Variants in MAF observed in about 807,000 individuals in gnomAD.
MAF encodes the protein MAF bZIP transcription factor.
Under a neutral mutation model 22.0 loss-of-function variants are expected in MAF, and 10 were observed. That is an observed-to-expected ratio of 0.45 (90% CI 0.28 to 0.77). The LOEUF is 0.77. MAF is among the 30% of genes least tolerant of loss of function. The pLI is 0.12. For synonymous variants in MAF, 337 were observed against 255.8 expected (o/e 1.32, Z -3.03); for missense variants, 544 against 548.4 (o/e 0.99, Z 0.08).
the MAF span, among the ~76,000 whole-genome samples, chr16:79,372,066 ATTTTTTT>A: frequency 4.5e-5 from 6 of 132,442 alleles, no homozygotes; most frequent in African/African-American, 1.7e-4. Flanking sequence ...AGGGAGAGGA[ATTTTTTT>A]TTTTTTTTTT....
chr16:79,561,290 C>G, the MAF span, among the ~76,000 whole-genome samples: 1 of 151,460 alleles, frequency 6.6e-6, no homozygotes, highest in Non-Finnish European at 1.5e-5. Flanking sequence ...AAATTTCCCT[C>G]TCTTCCTAGT....
the MAF span, among the ~76,000 whole-genome samples, chr16:79,539,885 G>C: frequency 6.6e-6 from 1 of 152,130 alleles, no homozygotes; most frequent in African/African-American, 2.4e-5. Flanking sequence ...GGTAAAAATG[G>C]TGATTTTTTT....
At chr16:79,542,890 T>G in the MAF span, among the ~76,000 whole-genome samples, 1 of 152,162 alleles carries the variant, frequency 6.6e-6, no homozygotes, top group Non-Finnish European at 1.5e-5. Context: ...TCTGGGTGGT[T>G]TTTATATCAT....
chr16:79,284,612 C>T, the MAF span, among the ~76,000 whole-genome samples: 2 of 152,096 alleles, frequency 1.3e-5, no homozygotes, highest in East Asian at 3.8e-4. Context: ...ATATAATCAT[C>T]GATAATAATA....
At chr16:79,441,241 A>T in the MAF span, among the ~76,000 whole-genome samples, 3 of 152,202 alleles carry the variant, frequency 2.0e-5, no homozygotes, top group Non-Finnish European at 4.4e-5. Flanking sequence ...TGACATTTAT[A>T]CCTAATTTCT....
chr16:79,287,509 C>T, the MAF span, among the ~76,000 whole-genome samples: 1 of 152,320 alleles, frequency 6.6e-6, no homozygotes, highest in Non-Finnish European at 1.5e-5. Context: ...AGTGTTTTCC[C>T]CCAAACCCCC....
chr16:79,347,913 G>C, the MAF span, among the ~76,000 whole-genome samples: 2 of 152,208 alleles, frequency 1.3e-5, no homozygotes, highest in Non-Finnish European at 2.9e-5. Flanking sequence ...AAAGGGATGT[G>C]TGTGTATGAG....
chr16:79,366,852 G>A, the MAF span, among the ~76,000 whole-genome samples: 1 of 152,156 alleles, frequency 6.6e-6, no homozygotes, highest in Non-Finnish European at 1.5e-5. Flanking sequence ...GCATAGCCTG[G>A]CTCATACAGA....
the MAF span, among the ~76,000 whole-genome samples, chr16:79,463,821 A>G: frequency 1.1e-4 from 17 of 152,208 alleles, no homozygotes; most frequent in South Asian, 8.3e-4. Flanking sequence ...CCCCCTGTGA[A>G]CTGTGAAACA....
At chr16:79,251,755 G>T in the MAF span, among the ~76,000 whole-genome samples, 12 of 152,180 alleles carry the variant, frequency 7.9e-5, no homozygotes, top group Non-Finnish European at 1.2e-4. Flanking sequence ...CAACGCTGGG[G>T]GCCTGGGCTG....
chr16:79,577,902 TTTTGGTGACC>T, the MAF span, among the ~76,000 whole-genome samples: 1 of 152,178 alleles, frequency 6.6e-6, no homozygotes, highest in East Asian at 1.9e-4. Context: ...TTCCTCTTCA[TTTTGGTGACC>T]TTTGCAGAAA....
chr16:79,363,322 T>C, the MAF span, among the ~76,000 whole-genome samples: 1 of 152,214 alleles, frequency 6.6e-6, no homozygotes, highest in African/African-American at 2.4e-5. Context: ...CTAAGTTGAA[T>C]ATATAGTGAG....
At chr16:79,578,864 A>T in the MAF span, among the ~76,000 whole-genome samples, 1 of 152,198 alleles carries the variant, frequency 6.6e-6, no homozygotes, top group Non-Finnish European at 1.5e-5. Context: ...GAGTACAGAA[A>T]TTTATTTGCA....
At chr16:79,322,908 T>C in the MAF span, among the ~76,000 whole-genome samples, 2 of 151,956 alleles carry the variant, frequency 1.3e-5, no homozygotes, top group Non-Finnish European at 2.9e-5. Context: ...CCCAGCACTT[T>C]GGGAGGCCGA....
chr16:79,440,637 T>C, the MAF span, among the ~76,000 whole-genome samples: 2 of 152,206 alleles, frequency 1.3e-5, no homozygotes, highest in Admixed American at 6.5e-5. Context: ...GGTTTCACCA[T>C]GTTGACCTCG....
At chr16:79,289,875 C>G in the MAF span, among the ~76,000 whole-genome samples, 3 of 7,522 alleles carry the variant, frequency 4.0e-4, no homozygotes, top group African/African-American at 1.1e-3. Flanking sequence ...TTTTGTGAGA[C>G]GGAGTCTTGC....
At chr16:79,256,624 G>C in the MAF span, among the ~76,000 whole-genome samples, 33 of 152,144 alleles carry the variant, frequency 2.2e-4, no homozygotes, top group Admixed American at 9.8e-4. Flanking sequence ...CATGGACATA[G>C]ATCTTTGGAC....
At chr16:79,241,419 G>C in the MAF span, among the ~76,000 whole-genome samples, 4,356 of 152,136 alleles carry the variant, frequency 0.029, 215 homozygotes, top group African/African-American at 0.1. Context: ...TAGCTGAATT[G>C]ATCAGACAGA....
At chr16:79,316,266 T>C in the MAF span, among the ~76,000 whole-genome samples, 4 of 152,218 alleles carry the variant, frequency 2.6e-5, no homozygotes, top group African/African-American at 4.8e-5. Context: ...AAGATTGTAC[T>C]GACAAGCTCA....
Sources: allele counts gnomAD v4.1 joint callset (sites outside exome capture counted in the v4.1 genomes callset), GRCh38; gene constraint gnomAD v4.1.1; transcripts MANE v1.5; gene names NCBI Gene and HGNC (gene_info 2026-07-23, HGNC 2026-07-21).